Variants in MEGF11 observed in about 807,000 individuals in gnomAD.
MEGF11 encodes multiple EGF like domains 11, also known as multiple epidermal growth factor-like domains protein 11.
MEGF11 carries 126 observed loss-of-function variants against 146.6 expected under a neutral mutation model. The ratio of observed to expected loss-of-function variants is 0.86; its 90% confidence interval spans 0.74 to 1.00. MEGF11 has a LOEUF of 1.00. Among genes scored for constraint, MEGF11 ranks in the 50% least tolerant of loss-of-function variants. MEGF11 has a pLI of 0.00. For missense variants in MEGF11, 1,509 were observed against 1,521.2 expected, an observed-to-expected ratio of 0.99 and a Z score of 0.13; for synonymous variants, 532 against 583.4, an observed-to-expected ratio of 0.91 and a Z score of 1.27.
intron 1 of MEGF11, among the ~76,000 whole-genome samples, chr15:66,204,972 G>A (rs1438050539): frequency 7.3e-6 from 1 of 136,988 alleles, no homozygotes; most frequent in East Asian, 2.1e-4. Context: ...TGTGTTCCTT[G>A]GGTTGAATTT....
intron 20 of MEGF11, chr15:65,912,564 A>G (rs2078849188): frequency 6.2e-6 from 1 of 161,524 alleles, no homozygotes; most frequent in South Asian, 2.0e-4. Flanking sequence ...ACATCCTGGT[A>G]ATGAGATCAT....
intron 1 of MEGF11, among the ~76,000 whole-genome samples, chr15:66,184,901 C>T (rs1298830257): frequency 1.3e-5 from 2 of 152,078 alleles, no homozygotes; most frequent in African/African-American, 2.4e-5. Flanking sequence ...CCAAGGCAGG[C>T]TCCTTTGCTT....
chr15:66,216,954 G>A (rs1004340489), intron 1 of MEGF11, among the ~76,000 whole-genome samples: 4 of 152,214 alleles, frequency 2.6e-5, no homozygotes, highest in African/African-American at 9.6e-5. Flanking sequence ...CTTGCCTCAA[G>A]GCAGGGCAAT....
At chr15:66,164,940 C>T (rs1405502597) in intron 1 of MEGF11, among the ~76,000 whole-genome samples, 1 of 152,196 alleles carries the variant, frequency 6.6e-6, no homozygotes, top group African/African-American at 2.4e-5. Flanking sequence ...GGCTCAGGGG[C>T]AGGAGGTACA....
At chr15:66,053,879 C>T (rs1303410375) in intron 5 of MEGF11, among the ~76,000 whole-genome samples, 1 of 151,826 alleles carries the variant, frequency 6.6e-6, no homozygotes, top group Non-Finnish European at 1.5e-5. Context: ...CAGGCATGCA[C>T]CACCATGCCT....
chr15:65,992,450 T>TGTGTGGG lies in MEGF11; in HGVS notation c.395-9963_395-9962insCCCACAC, dbSNP rs776847440. 4.9e-3 allele frequency among the ~76,000 whole-genome samples: 626 copies of TGTGTGGG among 126,550 alleles called. 20 individuals are homozygous for TGTGTGGG. Among genetic ancestry groups the TGTGTGGG allele is most frequent in the African/African-American group, 0.018 (589 of 32,682 alleles). The allele number at this position is 126,550 out of a possible 152,430, so 83.0% of individuals were successfully genotyped here. On this transcript the variant is annotated intron_variant, in intron 5 of 25. Transcript: ENST00000395614. Reference sequence around the variant, plus strand: ...CCGTTTGTGCCTCTGTGTGTGTGTGTGGGGGGGGGGGTTAGTCACATCCTG... The same window carrying TGTGTGGG: ...CCGTTTGTGCCTCTGTGTGTGTGTGTGTGTGGGGGGGGGGGGGGTTAGTCACATCCTG...
At chr15:65,965,596 C>CT (rs1567180017) in intron 8 of MEGF11, among the ~76,000 whole-genome samples, 2 of 14,658 alleles carry the variant, frequency 1.4e-4, no homozygotes, top group African/African-American at 1.8e-4. Flanking sequence ...TTCTTTCTTT[C>CT]TTTCTTTTTT....
In MEGF11 at chr15:65,982,448, C is replaced by T. The variant is rs1241063871; in HGVS notation, c.435G>A (p.Arg145=). ...SDHWGPHCSN[R]CQCQNGALCN... Reference sequence around the variant, plus strand: ...ACAGGGCGCCGTTCTGGCACTGGCACCGGTTGCTGCAGTGGGGCCCCCAGT... The same window carrying T: ...ACAGGGCGCCGTTCTGGCACTGGCATCGGTTGCTGCAGTGGGGCCCCCAGT... The change falls in exon 6 of 26, where the codon CGG becomes CGA. Residue 145 remains arginine, a synonymous_variant. Coordinates refer to ENST00000395614, the MANE Select transcript of MEGF11 (RefSeq NM_001385028.1). The surrounding 1 kb of genome is among the most constrained non-coding windows in gnomAD (Gnocchi z 5.6). 4 of 1,492,474 alleles carry T rather than the reference C, an allele frequency of 2.7e-6. No homozygotes were observed. Among genetic ancestry groups the T allele is most frequent in the Non-Finnish European group, 3.6e-6 (4 of 1,119,206 alleles). The allele number at this position is 1,492,474 out of a possible 1,614,324, so 92.5% of individuals were successfully genotyped here. A position where few individuals can be genotyped will look rare whatever the true frequency, so the allele number is the denominator to read the frequency against.
At chr15:65,979,186 CT>C (rs2081551172) in intron 7 of MEGF11, among the ~76,000 whole-genome samples, 1 of 152,072 alleles carries the variant, frequency 6.6e-6, no homozygotes, top group Non-Finnish European at 1.5e-5. Flanking sequence ...GACTGGCTGC[CT>C]CAGAACCATC....
intron 5 of MEGF11, among the ~76,000 whole-genome samples, chr15:66,051,138 C>A (rs2084430809): frequency 1.3e-5 from 2 of 152,190 alleles, no homozygotes; most frequent in Admixed American, 1.3e-4. Context: ...TCATGGGAGT[C>A]TCACAACAAC....
At chr15:65,970,125 G>T (rs997912270) in intron 8 of MEGF11, among the ~76,000 whole-genome samples, 1 of 152,148 alleles carries the variant, frequency 6.6e-6, no homozygotes, top group African/African-American at 2.4e-5. Context: ...GCCTTCAGAG[G>T]ATGCAAACTG....
At position 65,913,753 on chromosome 15, in the gene MEGF11, G is replaced by A. The variant is rs775309109; in HGVS notation, c.2694C>T (p.Thr898=). The A allele has an allele frequency of 1.6e-5, 25 of 1,612,578 alleles. No homozygotes were observed. Among genetic ancestry groups the A allele is most frequent in the African/African-American group, 5.3e-5 (4 of 74,886 alleles). ...SYTPAMRMTS[T]DYSLSDLSQS... ...GGCCCTTACCTGAGAGGGAGTAGTCGGTGCTGGTCATCCTCATGGCAGGTG... is the reference window on the plus strand; with the variant it reads ...GGCCCTTACCTGAGAGGGAGTAGTCAGTGCTGGTCATCCTCATGGCAGGTG... The change falls in exon 20 of 26, where the codon ACC becomes ACT. Residue 898 remains threonine (T), a synonymous_variant. Coordinates refer to ENST00000395614, the MANE Select transcript of MEGF11 (RefSeq NM_001385028.1).
At chr15:66,211,716 A>G (rs1345596423) in intron 1 of MEGF11, among the ~76,000 whole-genome samples, 1 of 151,456 alleles carries the variant, frequency 6.6e-6, no homozygotes, top group Admixed American at 6.6e-5. Context: ...AAATATTTTG[A>G]CTATGACCCT....
rs1405179773 is a variant in MEGF11 at position 65,972,874 on chromosome 15, C to T, written c.763-2185G>A. ...GCACGGTGGCTCACGCCTGTAATCC[C>T]AGCATTTTGGGAGGCTGAGGTGGGT... On this transcript the variant is annotated intron_variant, in intron 7 of 25. Coordinates refer to ENST00000395614, the MANE Select transcript of MEGF11 (RefSeq NM_001385028.1). Among the ~76,000 whole-genome samples, 7 of 152,110 alleles carry T rather than the reference C, an allele frequency of 4.6e-5. No individual in the cohort carries two copies. In the East Asian group the frequency reaches 1.4e-3, roughly 30 times the overall value.
chr15:65,942,974 CTTTTTT>C (rs58874869), intron 10 of MEGF11, among the ~76,000 whole-genome samples: 31 of 47,616 alleles, frequency 6.5e-4, no homozygotes, highest in South Asian at 1.3e-3. Flanking sequence ...AACAACTTGG[CTTTTTT>C]TTTTTTTTTT....
chr15:66,143,947 G>A (rs564201088), intron 1 of MEGF11, among the ~76,000 whole-genome samples: 2 of 152,302 alleles, frequency 1.3e-5, no homozygotes, highest in Non-Finnish European at 2.9e-5. Context: ...GGGGGCAAGA[G>A]GCACCTCAGC....
intron 5 of MEGF11, among the ~76,000 whole-genome samples, chr15:66,033,815 G>A (rs907143610): frequency 1.4e-4 from 21 of 151,896 alleles, no homozygotes; most frequent in South Asian, 2.1e-4. Context: ...TTTGTGAGAC[G>A]GAGTCTCGCC....
At chr15:66,251,656 C>T (rs1160627687) in intron 1 of MEGF11, among the ~76,000 whole-genome samples, 2 of 152,204 alleles carry the variant, frequency 1.3e-5, no homozygotes, top group East Asian at 3.8e-4. Context: ...GGAACACTTG[C>T]CCTGTGCGAA....
chr15:66,081,849 A>G (rs775295353), intron 5 of MEGF11, among the ~76,000 whole-genome samples: 5 of 152,098 alleles, frequency 3.3e-5, no homozygotes, highest in Non-Finnish European at 5.9e-5. Flanking sequence ...CTAATCCCCA[A>G]TGTAGTGCTG....
Sources: gnomAD v4.1 joint callset for allele counts (sites outside exome capture counted in the v4.1 genomes callset) on GRCh38, gnomAD v4.1.1 for gene constraint, Gnocchi (gnomAD v3.1) non-coding constraint, MANE v1.5 for transcripts, NCBI Gene and HGNC (gene_info 2026-07-23, HGNC 2026-07-21) for gene names.